The following TAFA2 variants were observed in gnomAD, a reference collection of about 807,000 sequenced individuals.
TAFA2 encodes the protein chemokine-like protein TAFA-2.
Under a neutral mutation model 18.8 loss-of-function variants are expected in TAFA2, and 7 were observed. The observed-to-expected ratio is 0.37, with a 90% CI of 0.21 to 0.70. TAFA2 has a LOEUF of 0.70. TAFA2 is among the 30% of genes least tolerant of loss of function. TAFA2 has a pLI of 0.53. For synonymous variants in TAFA2, 60 were observed against 54.2 expected (o/e 1.11, Z -0.47); for missense variants, 122 against 158.1 (o/e 0.77, Z 1.23).
chr12:61,881,749 T>C (rs1395256115), intron 1 of TAFA2, among the ~76,000 whole-genome samples: 1 of 151,778 alleles, frequency 6.6e-6, no homozygotes, highest in Non-Finnish European at 1.5e-5. Context: ...CAGAATCATA[T>C]CTGAAATTCA....
At chr12:62,227,029 T>TA (rs2062789895) in intron 1 of TAFA2, among the ~76,000 whole-genome samples, 1 of 152,224 alleles carries the variant, frequency 6.6e-6, no homozygotes, top group African/African-American at 2.4e-5. Context: ...AATCCATCAG[T>TA]GAATCCCCAC....
At chr12:62,124,738 A>G (rs187118447) in intron 1 of TAFA2, among the ~76,000 whole-genome samples, 71 of 152,294 alleles carry the variant, frequency 4.7e-4, no homozygotes, top group African/African-American at 1.5e-3. Context: ...TCTTAAATCA[A>G]TCCCAGCGTG....
chr12:61,913,017 G>A lies in TAFA2; in HGVS notation c.-1-45591C>T, dbSNP rs115629395. 8.5e-3 allele frequency among the ~76,000 whole-genome samples: 1,290 copies of A among 152,132 alleles called. 21 individuals are homozygous for A. Among genetic ancestry groups the A allele is most frequent in the African/African-American group, 0.029 (1,203 of 41,518 alleles). On this transcript the variant is annotated intron_variant, in intron 1 of 4. Transcript: ENST00000416284. ...AACCATAAGGAGTAGTAATGAGTATGGTAAATAGATGATTTACCTATTTAT... is the reference window on the plus strand; with the variant it reads ...AACCATAAGGAGTAGTAATGAGTATAGTAAATAGATGATTTACCTATTTAT...
chr12:61,753,829 C>G, intron 3 of TAFA2, 83 bp from the exon 4 acceptor site: 1 of 1,291,336 alleles, frequency 7.7e-7, no homozygotes, highest in Non-Finnish European at 1.0e-6. Flanking sequence ...GAACAAAAGC[C>G]ACTAATTTTT....
intron 1 of TAFA2, among the ~76,000 whole-genome samples, chr12:62,217,893 A>G (rs2062742401): frequency 6.6e-6 from 1 of 152,226 alleles, no homozygotes; most frequent in Non-Finnish European, 1.5e-5. Context: ...AGTGAAAATG[A>G]GCCAGGAGAA....
chr12:61,917,329 A>G (rs1192029904), intron 1 of TAFA2, among the ~76,000 whole-genome samples: 1 of 152,210 alleles, frequency 6.6e-6, no homozygotes, highest in Non-Finnish European at 1.5e-5. Flanking sequence ...CATAATTTTT[A>G]CCTGTCAGAA....
intron 4 of TAFA2, among the ~76,000 whole-genome samples, chr12:61,728,739 G>A (rs58203723): frequency 0.1 from 15,872 of 151,644 alleles, 1,080 homozygotes; most frequent in East Asian, 0.23. Context: ...CATTCAATGC[G>A]AATATTATTG....
At chr12:61,893,813 T>A (rs1236980836) in intron 1 of TAFA2, among the ~76,000 whole-genome samples, 1 of 152,234 alleles carries the variant, frequency 6.6e-6, no homozygotes, top group Admixed American at 6.5e-5. Context: ...TTTCAAGACA[T>A]TTTGATAGCT....
intron 1 of TAFA2, among the ~76,000 whole-genome samples, chr12:62,163,910 G>C (rs930570485): frequency 6.6e-6 from 1 of 152,046 alleles, no homozygotes; most frequent in Non-Finnish European, 1.5e-5. Context: ...TTGGGAGATG[G>C]GGAGAAGTAA....
Position 62,036,669 on chromosome 12 carries a change from GAA to G in TAFA2, c.-2+154588_-2+154589del, listed in dbSNP as rs533953619. ...AGAAGGTGAGAATAAATTGTAAATG[GAA>G]ATTATTACAATGTAAAATATGTAGC... On this transcript the variant is annotated intron_variant, in intron 1 of 4. Coordinates refer to ENST00000416284, the MANE Select transcript of TAFA2 (RefSeq NM_178539.5). Among the ~76,000 whole-genome samples the G allele has an allele frequency of 9.2e-5, 14 of 152,296 alleles. No homozygotes were observed. In the East Asian group the frequency reaches 2.7e-3, roughly 29 times the overall value.
intron 1 of TAFA2, among the ~76,000 whole-genome samples, chr12:61,902,837 T>C (rs1029290642): frequency 6.6e-6 from 1 of 152,112 alleles, no homozygotes; most frequent in African/African-American, 2.4e-5. Flanking sequence ...TGCATTTTCA[T>C]CCTTCTACCC....
chr12:61,962,287 ACTT>A (rs1878912870), intron 1 of TAFA2, among the ~76,000 whole-genome samples: 1 of 152,122 alleles, frequency 6.6e-6, no homozygotes, highest in East Asian at 1.9e-4. Flanking sequence ...TTCCTTAAAT[ACTT>A]CTTATTTTAT....
chr12:62,199,370 C>T (rs543951882), intron 1 of TAFA2, among the ~76,000 whole-genome samples: 31 of 152,284 alleles, frequency 2.0e-4, no homozygotes, highest in South Asian at 8.3e-4. Context: ...ACCCTGCCAA[C>T]GCCATCAGGC....
chr12:61,964,064 A>G lies in TAFA2; in HGVS notation c.-1-96638T>C, dbSNP rs182079398. ...TCAACCCCTTCCTTACACCTTATAC[A>G]AAAATTAACTCAAGATGGATTAAAG... On this transcript the variant is annotated intron_variant, in intron 1 of 4. Transcript: ENST00000416284. 4.4e-3 allele frequency among the ~76,000 whole-genome samples: 674 copies of G among 152,198 alleles called. 4 individuals carry two copies. Among genetic ancestry groups the G allele is most frequent in the Non-Finnish European group, 7.1e-3 (484 of 67,980 alleles).
chr12:61,799,220 G>A (rs1248688960), intron 2 of TAFA2, among the ~76,000 whole-genome samples: 1 of 152,158 alleles, frequency 6.6e-6, no homozygotes, highest in African/African-American at 2.4e-5. Context: ...CATATGTTTG[G>A]TTCTCTTTCT....
Position 62,207,684 on chromosome 12 carries a change from G to A in TAFA2, c.-130+51079C>T, listed in dbSNP as rs116773083. 7.6e-3 allele frequency among the ~76,000 whole-genome samples: 1,154 copies of A among 152,266 alleles called. 17 individuals carry two copies. The highest frequency in any genetic ancestry group is 0.027 in the African/African-American group (1,118 of 41,538). On this transcript the variant is annotated intron_variant, in intron 1 of 5. Coordinates refer to the TAFA2 transcript ENST00000551619. ...GAACCACAGTGGTTCCTAGGGTACA[G>A]GGGATGTTCCACTTCTCCACAATGT... is the stretch of plus-strand genomic sequence containing the variant.
intron 1 of TAFA2, among the ~76,000 whole-genome samples, chr12:62,102,840 A>T (rs769265949): frequency 3.3e-5 from 5 of 152,224 alleles, no homozygotes; most frequent in Non-Finnish European, 5.9e-5. Context: ...TAATACTCAT[A>T]GACTTCACTT....
At chr12:62,197,119 A>ACACATCAGGCAC (rs1400702279), upstream of TAFA2, among the ~76,000 whole-genome samples, 1 of 152,190 alleles carries the variant, frequency 6.6e-6, no homozygotes, top group East Asian at 1.9e-4. Flanking sequence ...TCCTTATGAG[A>ACACATCAGGCAC]ATCTAATGCC....
At position 61,708,749 on chromosome 12, in the gene TAFA2, T is replaced by C. The variant is rs573134838; in HGVS notation, c.*1657A>G. 6.6e-6 allele frequency: 1 copy of C among 152,136 alleles called. No homozygotes were observed. Among genetic ancestry groups the C allele is most frequent in the Non-Finnish European group, 1.5e-5 (1 of 68,004 alleles). The allele number at this position is 152,136 out of a possible 1,614,324, so 9.4% of individuals were successfully genotyped here. On this transcript the variant is annotated 3_prime_UTR_variant, in exon 5 of 5. Coordinates refer to ENST00000416284, the MANE Select transcript of TAFA2 (RefSeq NM_178539.5). ...TGAGATACATACTTTTCAGATTTTA[T>C]TTTTAACCAATTTTACATTTTTAGT...
Sources: allele counts gnomAD v4.1 joint callset (sites outside exome capture counted in the v4.1 genomes callset), GRCh38; gene constraint gnomAD v4.1.1; transcripts MANE v1.5; gene names NCBI Gene and HGNC (gene_info 2026-07-23, HGNC 2026-07-21).